The following PAPPA variants were observed in gnomAD, a reference collection of about 807,000 sequenced individuals.
The protein encoded by PAPPA is pappalysin-1.
In PAPPA, 60 loss-of-function variants were observed where a neutral mutation model predicts 164.0. The ratio of observed to expected loss-of-function variants is 0.37; its 90% CI spans 0.30 to 0.45. The LOEUF is 0.45. Ranked by LOEUF, PAPPA falls within the 20% of genes least tolerant of loss-of-function variation. The pLI is 1.00. For missense variants in PAPPA, 1,782 were observed against 2,087.3 expected, an observed-to-expected ratio of 0.85 and a Z score of 2.85; for synonymous variants, 875 against 814.1, an observed-to-expected ratio of 1.07 and a Z score of -1.27.
At chr9:116,313,749 G>C (rs936525017) in intron 10 of PAPPA, among the ~76,000 whole-genome samples, 1 of 152,162 alleles carries the variant, frequency 6.6e-6, no homozygotes, top group Non-Finnish European at 1.5e-5. Context: ...TAGGAATGTG[G>C]TTCATGAAAC....
chr9:116,392,146 A>T (rs1846901364), intron 21 of PAPPA, among the ~76,000 whole-genome samples: 2 of 152,246 alleles, frequency 1.3e-5, no homozygotes, highest in Admixed American at 1.3e-4. Context: ...TGAGTAAGAT[A>T]ATGATGCACA....
chr9:116,372,561 A>G lies in PAPPA; in HGVS notation c.4605+4807A>G, dbSNP rs983637838. On this transcript the variant is annotated intron_variant, in intron 19 of 21. Transcript: ENST00000328252. ...CTGGGGTGGCAGCCTGTCTCCCATC[A>G]GTTCCTAAGAAATAGATCCAATTTG... is the stretch of plus-strand genomic sequence containing the variant. Among the ~76,000 whole-genome samples the G allele has an allele frequency of 5.3e-5, 8 of 152,260 alleles. No individual in the cohort carries two copies. In the East Asian group the frequency reaches 1.5e-3, roughly 29 times the overall value.
chr9:116,288,411 A>C (rs1274411527), intron 9 of PAPPA, among the ~76,000 whole-genome samples: 1 of 146,984 alleles, frequency 6.8e-6, no homozygotes, highest in Non-Finnish European at 1.5e-5. Flanking sequence ...GGACCAATTT[A>C]TTTCTGTCTC....
intron 21 of PAPPA, among the ~76,000 whole-genome samples, chr9:116,396,235 A>C (rs975216657): frequency 6.6e-6 from 1 of 152,206 alleles, no homozygotes; most frequent in African/African-American, 2.4e-5. Flanking sequence ...AGAGTTGTCA[A>C]AAGTGTTTTC....
intron 7 of PAPPA, among the ~76,000 whole-genome samples, chr9:116,243,491 T>A (rs1359908996): frequency 6.6e-6 from 1 of 152,164 alleles, no homozygotes. Flanking sequence ...CTATAAGAGA[T>A]AAGGTCATTG....
intron 7 of PAPPA, among the ~76,000 whole-genome samples, chr9:116,253,122 G>A (rs1844879072): frequency 6.6e-6 from 1 of 151,978 alleles, no homozygotes; most frequent in South Asian, 2.1e-4. Flanking sequence ...ATAAAGTATG[G>A]GACACTAAGG....
chr9:116,353,848 C>A, intron 17 of PAPPA, 55 bp downstream of exon 17: 1 of 1,387,254 alleles, frequency 7.2e-7, no homozygotes, highest in South Asian at 1.3e-5. Flanking sequence ...TTCTGCTTAC[C>A]AAAAACTAGC....
At chr9:116,202,521 C>T (rs1034878728) in intron 2 of PAPPA, among the ~76,000 whole-genome samples, 2 of 152,110 alleles carry the variant, frequency 1.3e-5, no homozygotes, top group East Asian at 3.9e-4. Flanking sequence ...AATAGACATT[C>T]CAGGGGACCC....
chr9:116,228,466 G>A (rs1015454782), intron 6 of PAPPA, among the ~76,000 whole-genome samples: 3 of 152,042 alleles, frequency 2.0e-5, no homozygotes, highest in Non-Finnish European at 2.9e-5. Context: ...GAACTCCTCC[G>A]CTATCCTCTA....
rs1844424994 is a variant in PAPPA, at chr9:116,220,081, CT to C, written c.2064del (p.Val689Ter). ...APQVLGHTTD[S>X]VTLEWFPPID... ...CAAGTTCTGGGCCACACAACGGACT[CT>C]GTGACACTGGAGTGGTTCCCACCTA... On this transcript the variant is annotated frameshift_variant, in exon 5 of 22. Transcript: ENST00000328252. LOFTEE classifies it high-confidence loss of function. 1 of 1,614,010 alleles carries C rather than the reference CT, an allele frequency of 6.2e-7. No homozygotes were observed. Among genetic ancestry groups the C allele is most frequent in the Admixed American group, 1.7e-5 (1 of 60,000 alleles).
At chr9:116,253,223 C>A (rs958668704) in intron 7 of PAPPA, among the ~76,000 whole-genome samples, 7 of 152,038 alleles carry the variant, frequency 4.6e-5, no homozygotes, top group African/African-American at 1.7e-4. Context: ...ATTTGGTCTT[C>A]CTCTGCTAGC....
chr9:116,316,334 A>G (rs1219791710), intron 10 of PAPPA: 3 of 152,242 alleles, frequency 2.0e-5, no homozygotes, highest in Non-Finnish European at 4.4e-5. Flanking sequence ...TTTAAAATGC[A>G]TGTGTCTTCT....
chr9:116,186,257 T>C (rs1329427675), intron 1 of PAPPA, among the ~76,000 whole-genome samples: 1 of 143,074 alleles, frequency 7.0e-6, no homozygotes, highest in Non-Finnish European at 1.6e-5. Flanking sequence ...TATATATCTA[T>C]ATAGATATAT....
chr9:116,223,435 G>T (rs182044565), intron 5 of PAPPA, among the ~76,000 whole-genome samples: 5 of 152,202 alleles, frequency 3.3e-5, no homozygotes, highest in African/African-American at 9.6e-5. Context: ...AGGGTTAATT[G>T]TTGTGTAATG....
At chr9:116,291,989 C>T (rs1212849446) in intron 9 of PAPPA, among the ~76,000 whole-genome samples, 2 of 152,008 alleles carry the variant, frequency 1.3e-5, no homozygotes, top group African/African-American at 4.8e-5. Flanking sequence ...ATGAAGAGGT[C>T]ATGAGAAAAG....
At chr9:116,255,971 C>A in intron 7 of PAPPA, among the ~76,000 whole-genome samples, 1 of 149,956 alleles carries the variant, frequency 6.7e-6, no homozygotes, top group Non-Finnish European at 1.5e-5. Context: ...TTATACTGCT[C>A]AGTATGGTGT....
At chr9:116,183,954 C>T (rs2118619761) in intron 1 of PAPPA, among the ~76,000 whole-genome samples, 1 of 152,330 alleles carries the variant, frequency 6.6e-6, no homozygotes, top group African/African-American at 2.4e-5. Flanking sequence ...ACCAGGCTAG[C>T]TGCCTTCCAA....
intron 17 of PAPPA, 86 bp from the exon 18 acceptor site, chr9:116,362,506 A>C (rs879132407): frequency 1.4e-6 from 2 of 1,431,386 alleles, no homozygotes; most frequent in South Asian, 2.7e-5. Flanking sequence ...GAGAGATGAA[A>C]AATTCTTTTC....
At position 116,391,456 on chromosome 9, in the gene PAPPA, G is replaced by A. The variant is rs192212084; in HGVS notation, c.4777-5053G>A. On this transcript the variant is annotated intron_variant, in intron 21 of 21. Coordinates refer to ENST00000328252, the MANE Select transcript of PAPPA (RefSeq NM_002581.5). ...ACATGACTGTTGTCCCTCTCCAACC[G>A]GCACCCCCACCATGCTCTGCTAGTT... 1.3e-3 allele frequency among the ~76,000 whole-genome samples: 196 copies of A among 152,174 alleles called. 1 individual carries two copies. The highest frequency in any genetic ancestry group is 0.012 in the Admixed American group (180 of 15,284).
Sources: allele counts gnomAD v4.1 joint callset (sites outside exome capture counted in the v4.1 genomes callset), GRCh38; gene constraint gnomAD v4.1.1; transcripts MANE v1.5; gene names NCBI Gene and HGNC (gene_info 2026-07-23, HGNC 2026-07-21).